Variants in OPCML observed in about 807,000 individuals in gnomAD.
The protein encoded by OPCML is opioid binding protein/cell adhesion molecule like.
A neutral mutation model predicts 37.8 loss-of-function variants in OPCML; 13 were observed. That is an observed-to-expected ratio of 0.34 (90% CI 0.22 to 0.55). The LOEUF is 0.55. Ranked by LOEUF, OPCML falls within the 20% of genes least tolerant of loss-of-function variation. The probability of loss-of-function intolerance (pLI) is 0.91; values close to 1 mark genes in which losing one functional copy is unlikely to be tolerated. For synonymous variants in OPCML, 176 were observed against 168.8 expected (o/e 1.04, Z -0.33); for missense variants, 341 against 435.6 (o/e 0.78, Z 1.93).
At chr11:133,134,622 C>G (rs1949655718) in intron 1 of OPCML, among the ~76,000 whole-genome samples, 1 of 152,198 alleles carries the variant, frequency 6.6e-6, no homozygotes, top group Admixed American at 6.5e-5. Context: ...GGGCTCTCCT[C>G]CTGAAATATC....
intron 4 of OPCML, among the ~76,000 whole-genome samples, chr11:132,484,877 A>G (rs1350077186): frequency 6.6e-6 from 1 of 152,174 alleles, no homozygotes; most frequent in Admixed American, 6.5e-5. Flanking sequence ...ATGAGAACAC[A>G]TGGACACAGG....
intron 1 of OPCML, among the ~76,000 whole-genome samples, chr11:133,366,591 A>G (rs968327301): frequency 3.3e-5 from 5 of 152,132 alleles, no homozygotes; most frequent in Non-Finnish European, 7.4e-5. Context: ...TGATGGGGAG[A>G]AGAAGGCGGA....
chr11:133,194,831 C>T (rs1295489396), intron 1 of OPCML, among the ~76,000 whole-genome samples: 1 of 152,134 alleles, frequency 6.6e-6, no homozygotes, highest in Non-Finnish European at 1.5e-5. Flanking sequence ...ACGTAATGCC[C>T]CTGAATCTCT....
chr11:133,128,149 C>T lies in OPCML; in HGVS notation c.62-185139G>A, dbSNP rs117465319. The stretch of plus-strand genomic sequence containing the variant: ...TCACCCATTGGTCTCCAGCACCTCA[C>T]AGTGACTGCTGAGAGTGGAGGCATA... On this transcript the variant is annotated intron_variant, in intron 1 of 7. Coordinates refer to ENST00000524381, the MANE Select transcript of OPCML (RefSeq NM_001012393.5). Among the ~76,000 whole-genome samples, 528 of 152,262 alleles carry T rather than the reference C, an allele frequency of 3.5e-3. 4 individuals carry two copies. Among genetic ancestry groups the T allele is most frequent in the South Asian group, 7.9e-3 (38 of 4,828 alleles).
chr11:133,370,883 A>G (rs1247818533), intron 1 of OPCML, among the ~76,000 whole-genome samples: 3 of 152,224 alleles, frequency 2.0e-5, no homozygotes, highest in Admixed American at 6.5e-5. Flanking sequence ...ATCAAGAGAC[A>G]ACCTTTTGAA....
In OPCML at chr11:133,174,478, G is replaced by T. The variant is rs941774660; in HGVS notation, c.62-231468C>A. ...TAGAATAACATACCAACATTTAATT[G>T]TAATGACGTAAAGGTGATTATGAAC... On this transcript the variant is annotated intron_variant, in intron 1 of 7. Coordinates refer to ENST00000524381, the MANE Select transcript of OPCML (RefSeq NM_001012393.5). This position sits in a 1 kb window ranked among gnomAD's most constrained non-coding sequence, Gnocchi z 4.6. 2.0e-5 allele frequency among the ~76,000 whole-genome samples: 3 copies of T among 152,064 alleles called. No homozygotes were observed. The highest frequency in any genetic ancestry group is 4.8e-5 in the African/African-American group (2 of 41,400).
At chr11:133,179,804 A>G (rs1288719495) in intron 1 of OPCML, among the ~76,000 whole-genome samples, 1 of 152,172 alleles carries the variant, frequency 6.6e-6, no homozygotes, top group Non-Finnish European at 1.5e-5. Context: ...CAAATAGAAG[A>G]ACAGCCTCCC....
chr11:133,140,354 A>C (rs2137158637), intron 1 of OPCML, among the ~76,000 whole-genome samples: 1 of 149,660 alleles, frequency 6.7e-6, no homozygotes, highest in Admixed American at 6.6e-5. Flanking sequence ...TCTACTAAAA[A>C]AAATACAAAA....
intron 1 of OPCML, chr11:133,300,603 G>A (rs186506228): frequency 4.9e-4 from 75 of 152,316 alleles, no homozygotes; most frequent in African/African-American, 1.8e-3. Flanking sequence ...GAATCGTGTG[G>A]TGAGCGGAAT....
In OPCML at chr11:133,349,072, C is replaced by T. The variant is rs181647217; in HGVS notation, c.61+183192G>A. 2.0e-3 allele frequency among the ~76,000 whole-genome samples: 306 copies of T among 152,332 alleles called. 2 individuals carry two copies. Among genetic ancestry groups the T allele is most frequent in the African/African-American group, 7.2e-3 (299 of 41,564 alleles). ...AAAATCGCATTAATTGTATCTACTT[C>T]ATACTGGCTGTATGTGGAGCCTTTA... On this transcript the variant is annotated intron_variant, in intron 1 of 7. Transcript: ENST00000524381.
At chr11:133,126,471 T>C (rs1421214543) in intron 1 of OPCML, among the ~76,000 whole-genome samples, 2 of 152,128 alleles carry the variant, frequency 1.3e-5, no homozygotes, top group African/African-American at 4.8e-5. Flanking sequence ...CTTCGTTGAA[T>C]TGACACATAA....
intron 1 of OPCML, among the ~76,000 whole-genome samples, chr11:132,975,467 C>A (rs1946437870): frequency 7.9e-6 from 1 of 127,224 alleles, no homozygotes; most frequent in Non-Finnish European, 1.6e-5. Flanking sequence ...TAAAAAATAA[C>A]TTTTCAGATT....
At chr11:133,141,635 CT>C (rs1312793331) in intron 1 of OPCML, among the ~76,000 whole-genome samples, 3 of 152,148 alleles carry the variant, frequency 2.0e-5, no homozygotes, top group Non-Finnish European at 2.9e-5. Flanking sequence ...GGACCTTCAC[CT>C]GGCTGCTCCC....
intron 1 of OPCML, among the ~76,000 whole-genome samples, chr11:133,479,825 T>C (rs1248197511): frequency 1.3e-5 from 2 of 152,184 alleles, no homozygotes; most frequent in African/African-American, 4.8e-5. Flanking sequence ...ACCCCCATTG[T>C]GCACATTCTT....
Position 133,173,462 on chromosome 11 carries a change from A to C in OPCML, c.62-230452T>G, listed in dbSNP as rs1240334766. Among the ~76,000 whole-genome samples the C allele has an allele frequency of 1.3e-5, 2 of 152,210 alleles. No homozygotes were observed. The highest frequency in any genetic ancestry group is 2.9e-5 in the Non-Finnish European group (2 of 68,040). ...TGAACAAATAAATAAATGAGCAACC[A>C]CTAGCCACAGATGGATTCCTAGAAT... is the stretch of plus-strand genomic sequence containing the variant. On this transcript the variant is annotated intron_variant, in intron 1 of 7. Transcript: ENST00000524381. The surrounding 1 kb of genome is among the most constrained non-coding windows in gnomAD (Gnocchi z 7.8).
At chr11:132,459,638 C>A (rs1270942289) in intron 4 of OPCML, among the ~76,000 whole-genome samples, 1 of 151,118 alleles carries the variant, frequency 6.6e-6, no homozygotes, top group Non-Finnish European at 1.5e-5. Flanking sequence ...CTTTTTTGCT[C>A]CACATATCAT....
chr11:132,908,581 T>G (rs970968702), intron 2 of OPCML, among the ~76,000 whole-genome samples: 1 of 152,224 alleles, frequency 6.6e-6, no homozygotes, highest in African/African-American at 2.4e-5. Flanking sequence ...CAATTCAGGC[T>G]AAGTGGTCTA....
chr11:132,738,110 G>A (rs1945318669), intron 2 of OPCML, among the ~76,000 whole-genome samples: 1 of 152,182 alleles, frequency 6.6e-6, no homozygotes, highest in Non-Finnish European at 1.5e-5. Flanking sequence ...GATCAGGCAG[G>A]AATTGCGCTA....
intron 2 of OPCML, among the ~76,000 whole-genome samples, chr11:132,924,495 C>T (rs541258129): frequency 6.6e-6 from 1 of 152,302 alleles, no homozygotes; most frequent in Non-Finnish European, 1.5e-5. Flanking sequence ...CAAATCTGAT[C>T]AATTTTTGTT....
Sources: allele counts gnomAD v4.1 joint callset (sites outside exome capture counted in the v4.1 genomes callset), GRCh38; gene constraint gnomAD v4.1.1; non-coding constraint Gnocchi (gnomAD v3.1); transcripts MANE v1.5; gene names NCBI Gene and HGNC (gene_info 2026-07-23, HGNC 2026-07-21).